The following ATP1A1 variants were observed in gnomAD, a reference collection of about 807,000 sequenced individuals.
ATP1A1 encodes the protein ATPase Na+/K+ transporting subunit alpha 1.
A neutral mutation model predicts 114.8 loss-of-function variants in ATP1A1; 14 were observed. The ratio of observed to expected loss-of-function variants is 0.12; its 90% CI spans 0.08 to 0.19. The LOEUF (loss-of-function observed/expected upper bound fraction) is 0.19, where lower values mean the gene tolerates loss of function less well. ATP1A1 is among the 10% of genes least tolerant of loss of function. ATP1A1 has a pLI of 1.00. For missense variants in ATP1A1, 524 were observed against 1,290.7 expected, an observed-to-expected ratio of 0.41 and a Z score of 9.10; for synonymous variants, 471 against 466.3, an observed-to-expected ratio of 1.01 and a Z score of -0.13.
chr1:116,374,952 G>A (rs6656577), intron 1 of ATP1A1, among the ~76,000 whole-genome samples: 3,259 of 152,268 alleles, frequency 0.021, 118 homozygotes, highest in African/African-American at 0.072. Context: ...GCTTTTAAAA[G>A]CATGCAGCGT....
chr1:116,399,411 C>A lies in ATP1A1; in HGVS notation c.2449-9C>A. On this transcript the variant is annotated splice_polypyrimidine_tract_variant and intron_variant, in intron 17 of 22. Coordinates refer to ENST00000295598, the MANE Select transcript of ATP1A1 (RefSeq NM_000701.8). The surrounding 1 kb of genome is among the most constrained non-coding windows in gnomAD (Gnocchi z 5.0). ...AGTAACTAAATTCCTTCTCCCCACC[C>A]CTTCCCAGGTTCCTGCCATCTCCCT... 6.2e-7 allele frequency: 1 copy of A among 1,613,772 alleles called. No homozygotes were observed. The highest frequency in any genetic ancestry group is 8.5e-7 in the Non-Finnish European group (1 of 1,179,830).
chr1:116,373,921 C>T (rs1651172095), intron 1 of ATP1A1: 19 of 1,311,712 alleles, frequency 1.4e-5, no homozygotes, highest in Non-Finnish European at 1.6e-5. Flanking sequence ...GGCTCCCCTC[C>T]CTGCGACCGC....
chr1:116,378,510 C>T (rs1467165014), intron 1 of ATP1A1, among the ~76,000 whole-genome samples: 1 of 152,146 alleles, frequency 6.6e-6, no homozygotes, highest in Non-Finnish European at 1.5e-5. Context: ...ACTCAGTGGG[C>T]CTTGCTGTGT....
chr1:116,379,896 A>G (rs542856947), intron 1 of ATP1A1, among the ~76,000 whole-genome samples: 2 of 152,092 alleles, frequency 1.3e-5, no homozygotes, highest in African/African-American at 2.4e-5. Context: ...CCATCACACA[A>G]CTTTCCTGCT....
chr1:116,383,439 G>A, intron 1 of ATP1A1: 1 of 821,884 alleles, frequency 1.2e-6, no homozygotes, highest in Non-Finnish European at 1.5e-6. Context: ...TAGATGTATT[G>A]TATCATTTAA....
rs1653518181 is a variant in ATP1A1 at position 116,401,958 on chromosome 1, G to C, written c.2951+303G>C. The C allele has an allele frequency of 3.1e-6, 1 of 324,790 alleles. No homozygotes were observed. The highest frequency in any genetic ancestry group is 4.6e-5 in the Admixed American group (1 of 21,676). 20.1% of individuals were successfully genotyped at this position (324,790 alleles called of 1,614,324 possible). A position where few individuals can be genotyped will look rare whatever the true frequency, so the allele number is the denominator to read the frequency against. ...AGCACTCAGGTCTGCCACAGCTGTA[G>C]TCCAGTTGTCTTTAGAGGCCAACTG... is the stretch of plus-strand genomic sequence containing the variant. On this transcript the variant is annotated intron_variant, in intron 21 of 22. Transcript: ENST00000295598. The surrounding 1 kb of genome is among the most constrained non-coding windows in gnomAD (Gnocchi z 4.7).
chr1:116,401,669 C>T lies in ATP1A1; in HGVS notation c.2951+14C>T, dbSNP rs751746618. 6.2e-7 allele frequency: 1 copy of T among 1,606,838 alleles called. No homozygotes were observed. The highest frequency in any genetic ancestry group is 8.5e-7 in the Non-Finnish European group (1 of 1,173,926). ...GTATCCCCTCAAGTAAGTTGATCCTCTGGTAGCTCCAAAAAGTATGAAATA... is the reference window on the plus strand; with the variant it reads ...GTATCCCCTCAAGTAAGTTGATCCTTTGGTAGCTCCAAAAAGTATGAAATA... On this transcript the variant is annotated intron_variant, in intron 21 of 22. Coordinates refer to ENST00000295598, the MANE Select transcript of ATP1A1 (RefSeq NM_000701.8). The surrounding 1 kb of genome is among the most constrained non-coding windows in gnomAD (Gnocchi z 4.7).
intron 1 of ATP1A1, 66 bp from the exon 2 acceptor site, chr1:116,383,948 C>T: frequency 7.4e-7 from 1 of 1,360,058 alleles, no homozygotes; most frequent in Non-Finnish European, 1.0e-6. Context: ...ATCCCCTGCT[C>T]CAGAATTTTC....
intron 1 of ATP1A1, among the ~76,000 whole-genome samples, chr1:116,376,376 C>T (rs78361022): frequency 0.032 from 4,802 of 152,240 alleles, 278 homozygotes; most frequent in African/African-American, 0.11. Flanking sequence ...GACTAAAGCT[C>T]CTCTGGCTGC....
chr1:116,401,942 G>T lies in ATP1A1; in HGVS notation c.2951+287G>T. ...ACAGCGAACTGCATTGAGCACTCAG[G>T]TCTGCCACAGCTGTAGTCCAGTTGT... On this transcript the variant is annotated intron_variant, in intron 21 of 22. Coordinates refer to ENST00000295598, the MANE Select transcript of ATP1A1 (RefSeq NM_000701.8). The surrounding 1 kb of genome is among the most constrained non-coding windows in gnomAD (Gnocchi z 4.7). 7.7e-6 allele frequency: 3 copies of T among 391,622 alleles called. No homozygotes were observed. The highest frequency in any genetic ancestry group is 1.4e-5 in the Non-Finnish European group (3 of 218,322). The allele number at this position is 391,622 out of a possible 1,614,324, so 24.3% of individuals were successfully genotyped here. A position where few individuals can be genotyped will look rare whatever the true frequency, so the allele number is the denominator to read the frequency against.
intron 1 of ATP1A1, among the ~76,000 whole-genome samples, chr1:116,377,788 G>C (rs1651468064): frequency 6.6e-6 from 1 of 152,220 alleles, no homozygotes; most frequent in South Asian, 2.1e-4. Context: ...AGTAATCAGA[G>C]TGGCTGGGTT....
intron 10 of ATP1A1, chr1:116,392,256 G>A (rs757518797): frequency 2.6e-5 from 4 of 152,156 alleles, no homozygotes; most frequent in Non-Finnish European, 5.9e-5. Flanking sequence ...TACGTGGTTC[G>A]ATTTTATTAC....
chr1:116,374,538 G>A (rs1651228350), intron 1 of ATP1A1, among the ~76,000 whole-genome samples: 1 of 152,218 alleles, frequency 6.6e-6, no homozygotes, highest in African/African-American at 2.4e-5. Flanking sequence ...GGCGCGGAGC[G>A]TGGTGGGAAT....
At chr1:116,396,033 G>A (rs750215793) in intron 13 of ATP1A1, among the ~76,000 whole-genome samples, 5 of 152,100 alleles carry the variant, frequency 3.3e-5, no homozygotes, top group Non-Finnish European at 7.4e-5. Context: ...GGTTACAAGC[G>A]TGAGCCACCA....
intron 10 of ATP1A1, 177 bp from the exon 11 acceptor site, chr1:116,392,677 A>G (rs905123720): frequency 1.5e-6 from 1 of 648,352 alleles, no homozygotes; most frequent in African/African-American, 1.9e-5. Context: ...CACTGTGAAC[A>G]GCAGTGGTCG....
At position 116,395,237 on chromosome 1, in the gene ATP1A1, G is replaced by A. The variant is rs1652810097; in HGVS notation, c.1788G>A (p.Arg596=). 4 of 1,614,022 alleles carry A rather than the reference G, an allele frequency of 2.5e-6. No homozygotes were observed. The African/African-American group carries it at 5.3e-5, about 22-fold the overall frequency. ...VGLISMIDPP[R]AAVPDAVGKC... is the part of the protein sequence containing the mutation. ...TCATCTCCATGATTGACCCTCCACG[G>A]GCGGCCGTTCCTGATGCCGTGGGCA... is the stretch of plus-strand genomic sequence containing the variant. The change falls in exon 13 of 23, where the codon CGG becomes CGA. Residue 596 remains arginine (R), a synonymous_variant. Transcript: ENST00000295598. The surrounding 1 kb of genome is among the most constrained non-coding windows in gnomAD (Gnocchi z 6.4).
Position 116,388,819 on chromosome 1 carries a change from G to A in ATP1A1, c.636+47G>A, listed in dbSNP as rs2101044515. ...ACCTCATAGCTAGCTCTGCTGTTCG[G>A]GCAGCTTGATTTGAGGGGTACAGTA... is the stretch of plus-strand genomic sequence containing the variant. On this transcript the variant is annotated intron_variant, in intron 6 of 22. Transcript: ENST00000295598. The surrounding 1 kb of genome is among the most constrained non-coding windows in gnomAD (Gnocchi z 5.6). 1 of 1,612,840 alleles carries A rather than the reference G, an allele frequency of 6.2e-7. No individual in the cohort carries two copies. Among genetic ancestry groups the A allele is most frequent in the East Asian group, 2.2e-5 (1 of 44,866 alleles).
chr1:116,398,109 G>C lies in ATP1A1; in HGVS notation c.2124+71G>C, dbSNP rs1653090509. On this transcript the variant is annotated intron_variant, in intron 15 of 22. Transcript: ENST00000295598. This position sits in a 1 kb window ranked among gnomAD's most constrained non-coding sequence, Gnocchi z 6.1. ...AGGGATTGGAGTTCCAGTGGAAACA[G>C]AGCAACGGTGATGGATGGATGCATA... is the stretch of plus-strand genomic sequence containing the variant. 6.4e-7 allele frequency: 1 copy of C among 1,574,116 alleles called. No homozygotes were observed. Among genetic ancestry groups the C allele is most frequent in the South Asian group, 1.2e-5 (1 of 85,754 alleles).
rs1436880886 is a variant in ATP1A1, at chr1:116,399,513, C to T, written c.2542C>T (p.Arg848Trp). The T allele has an allele frequency of 2.5e-6, 4 of 1,614,050 alleles. No homozygotes were observed. The highest frequency in any genetic ancestry group is 1.7e-5 in the Admixed American group (1 of 60,006). Residue 848 changes from arginine to tryptophan, a missense_variant, in exon 18 of 23, where the codon CGG becomes TGG. Around this residue, in one of 8 missense-constraint regions of ATP1A1, gnomAD observed 36 missense variants for 199.6 expected, o/e 0.18. Transcript: ENST00000295598. This position sits in a 1 kb window ranked among gnomAD's most constrained non-coding sequence, Gnocchi z 5.0. The stretch of plus-strand genomic sequence containing the variant: ...CAAAACAGACAAACTTGTGAATGAG[C>T]GGCTGATCAGCATGGCCTATGGGCA... ...NPKTDKLVNE[R>W]LISMAYGQIG...
Sources: allele counts gnomAD v4.1 joint callset (sites outside exome capture counted in the v4.1 genomes callset), GRCh38; gene constraint gnomAD v4.1.1; regional missense constraint gnomAD v4.1.1; non-coding constraint Gnocchi (gnomAD v3.1); transcripts MANE v1.5; gene names NCBI Gene and HGNC (gene_info 2026-07-23, HGNC 2026-07-21).